TMEM114: variants seen among roughly 807,000 people sequenced by gnomAD.
TMEM114 encodes transmembrane protein 114.
A neutral mutation model predicts 6.2 loss-of-function variants in TMEM114; 6 were observed. The ratio of observed to expected loss-of-function variants is 0.97; its 90% CI spans 0.53 to 1.91. The LOEUF is 1.91. TMEM114 is among the 40% of genes most tolerant of loss of function. TMEM114 has a pLI of 0.01. For synonymous variants in TMEM114, 104 were observed against 73.0 expected, an observed-to-expected ratio of 1.42 and a Z score of -2.16; for missense variants, 218 against 158.3, an observed-to-expected ratio of 1.38 and a Z score of -2.02.
At position 8,569,518 on chromosome 16, in the gene TMEM114, T is replaced by C. The variant is rs1901650829; in HGVS notation, c.*255A>G. Reference sequence around the variant, plus strand: ...CTCTGTGTGTGATTAAAGGATCGTTTTTATTTCTCGCGAAGCGGTTTGGCA... The same window carrying C: ...CTCTGTGTGTGATTAAAGGATCGTTCTTATTTCTCGCGAAGCGGTTTGGCA... On this transcript the variant is annotated 3_prime_UTR_variant, in exon 4 of 4. Coordinates refer to ENST00000620492, the MANE Select transcript of TMEM114 (RefSeq NM_001146336.2). The C allele has an allele frequency of 6.5e-6, 9 of 1,387,298 alleles. No homozygotes were observed. The Admixed American group carries it at 1.8e-4, about 28-fold the overall frequency. The allele number at this position is 1,387,298 out of a possible 1,614,324, so 85.9% of individuals were successfully genotyped here. A position where few individuals can be genotyped will look rare whatever the true frequency, so the allele number is the denominator to read the frequency against.
chr16:8,583,940 GCA>G (rs1902236411), intron 2 of TMEM114, among the ~76,000 whole-genome samples: 1 of 152,120 alleles, frequency 6.6e-6, no homozygotes, highest in South Asian at 2.1e-4. Flanking sequence ...TTACAAGTGG[GCA>G]CATGACTCAG....
chr16:8,566,486 G>C (rs560103498), downstream of TMEM114, among the ~76,000 whole-genome samples: 17 of 152,008 alleles, frequency 1.1e-4, no homozygotes, highest in Non-Finnish European at 2.4e-4. Flanking sequence ...GATCAGAATA[G>C]AACAGATCAG....
At chr16:8,579,913 C>T (rs190160655) in intron 2 of TMEM114, among the ~76,000 whole-genome samples, 1 of 152,218 alleles carries the variant, frequency 6.6e-6, no homozygotes. Flanking sequence ...GAAGTTAAAG[C>T]CTTCCTGAGT....
downstream of TMEM114, among the ~76,000 whole-genome samples, chr16:8,535,686 C>A (rs1009205139): frequency 6.6e-6 from 1 of 152,180 alleles, no homozygotes; most frequent in Non-Finnish European, 1.5e-5. Flanking sequence ...GCAAATCCTT[C>A]GTCGTGGGAA....
chr16:8,573,354 G>A (rs978805290), intron 2 of TMEM114, among the ~76,000 whole-genome samples: 1 of 152,050 alleles, frequency 6.6e-6, no homozygotes, highest in African/African-American at 2.4e-5. Flanking sequence ...GTAGGATCTG[G>A]GGCCATTTCT....
At chr16:8,579,257 G>A (rs536981048) in intron 2 of TMEM114, among the ~76,000 whole-genome samples, 21 of 152,260 alleles carry the variant, frequency 1.4e-4, no homozygotes, top group East Asian at 3.9e-4. Flanking sequence ...ATGCTCTTAC[G>A]CAGAGCAGGG....
chr16:8,590,088 C>T lies in TMEM114; in HGVS notation c.-250G>A. The T allele has an allele frequency of 2.7e-6, 1 of 365,898 alleles. No individual in the cohort carries two copies. The highest frequency in any genetic ancestry group is 4.9e-6 in the Non-Finnish European group (1 of 205,594). The allele number at this position is 365,898 out of a possible 1,614,324, so 22.7% of individuals were successfully genotyped here. A position where few individuals can be genotyped will look rare whatever the true frequency, so the allele number is the denominator to read the frequency against. The stretch of plus-strand genomic sequence containing the variant: ...CACGTTCCCACCCCTCCAATGCCAG[C>T]TCTACCTGCAGACCCCCTCACTCTC... On this transcript the variant is annotated 5_prime_UTR_variant, in exon 1 of 4. Transcript: ENST00000620492.
At chr16:8,568,478 T>C (rs796359484), downstream of TMEM114, among the ~76,000 whole-genome samples, 2 of 152,210 alleles carry the variant, frequency 1.3e-5, no homozygotes, top group African/African-American at 4.8e-5. Context: ...GTTTGTTGAA[T>C]GACTGACTGA....
intron 2 of TMEM114, among the ~76,000 whole-genome samples, chr16:8,557,881 T>A (rs1472938570): frequency 6.6e-6 from 1 of 152,204 alleles, no homozygotes; most frequent in Non-Finnish European, 1.5e-5. Flanking sequence ...TTCTTAGAGC[T>A]GCCCTGACAA....
At chr16:8,565,645 C>T (rs967318503), downstream of TMEM114, among the ~76,000 whole-genome samples, 2 of 152,194 alleles carry the variant, frequency 1.3e-5, no homozygotes, top group African/African-American at 4.8e-5. Context: ...CTCATCTGGC[C>T]CTGGGAGGCC....
At chr16:8,534,292 C>T (rs764664776), downstream of TMEM114, among the ~76,000 whole-genome samples, 4 of 151,496 alleles carry the variant, frequency 2.6e-5, no homozygotes, top group South Asian at 2.1e-4. Context: ...CTCGCTTAAG[C>T]GCCAAAGACA....
intron 2 of TMEM114, among the ~76,000 whole-genome samples, chr16:8,541,548 C>G (rs1235431686): frequency 1.3e-5 from 2 of 151,756 alleles, no homozygotes; most frequent in Non-Finnish European, 2.9e-5. Context: ...GAACCAATGC[C>G]TCATTCTGCT....
downstream of TMEM114, among the ~76,000 whole-genome samples, chr16:8,568,992 G>A (rs1048088803): frequency 6.6e-6 from 1 of 152,244 alleles, no homozygotes; most frequent in Non-Finnish European, 1.5e-5. Context: ...AAGCCACTTA[G>A]AAATGTGAGT....
intron 2 of TMEM114, among the ~76,000 whole-genome samples, chr16:8,584,940 A>AAAAAAT (rs1409319481): frequency 6.8e-6 from 1 of 146,760 alleles, no homozygotes; most frequent in Non-Finnish European, 1.5e-5. Context: ...AAAAAAAAAA[A>AAAAAAT]AAGAAGAAGA....
chr16:8,559,454 G>C (rs1444912797), intron 2 of TMEM114, among the ~76,000 whole-genome samples: 2 of 152,140 alleles, frequency 1.3e-5, no homozygotes, highest in South Asian at 4.1e-4. Context: ...GTGAATCCTC[G>C]GCCCGCCATG....
chr16:8,574,126 A>G (rs1234190872), intron 2 of TMEM114, among the ~76,000 whole-genome samples: 1 of 152,208 alleles, frequency 6.6e-6, no homozygotes, highest in Admixed American at 6.5e-5. Context: ...GATGAAGAAT[A>G]TAGACGTCAG....
downstream of TMEM114, among the ~76,000 whole-genome samples, chr16:8,564,883 G>C (rs1596481366): frequency 2.7e-5 from 1 of 37,026 alleles, no homozygotes; most frequent in South Asian, 7.6e-4. Flanking sequence ...GGGAGGGAGT[G>C]AATGAGTGAG....
chr16:8,575,912 T>G (rs1012848099), intron 2 of TMEM114, among the ~76,000 whole-genome samples: 1 of 152,198 alleles, frequency 6.6e-6, no homozygotes, highest in Non-Finnish European at 1.5e-5. Flanking sequence ...CCGGGAGACC[T>G]GATTCCCATT....
In TMEM114 at chr16:8,569,618, C is replaced by T. The variant is rs1437637358; in HGVS notation, c.*155G>A. Reference sequence around the variant, plus strand: ...CAGGTACTAGGATAACAGCCAGGCCCCAAGCTTAGTCCGCGGGGATTTGTG... The same window carrying T: ...CAGGTACTAGGATAACAGCCAGGCCTCAAGCTTAGTCCGCGGGGATTTGTG... On this transcript the variant is annotated 3_prime_UTR_variant, in exon 4 of 4. Transcript: ENST00000620492. 6.3e-6 allele frequency: 9 copies of T among 1,435,376 alleles called. No individual in the cohort carries two copies. The highest frequency in any genetic ancestry group is 1.5e-5 in the South Asian group (1 of 67,204). The allele number at this position is 1,435,376 out of a possible 1,614,324, so 88.9% of individuals were successfully genotyped here.
Sources: allele counts gnomAD v4.1 joint callset (sites outside exome capture counted in the v4.1 genomes callset), GRCh38; gene constraint gnomAD v4.1.1; transcripts MANE v1.5; gene names NCBI Gene and HGNC (gene_info 2026-07-23, HGNC 2026-07-21).